PCDHGA12: variants seen among roughly 807,000 people sequenced by gnomAD.
PCDHGA12 encodes the protein protocadherin gamma subfamily A, 12.
In PCDHGA12, 43 loss-of-function variants were observed where a neutral mutation model predicts 61.1. The ratio of observed to expected loss-of-function variants is 0.70; its 90% CI spans 0.55 to 0.91. PCDHGA12 has a LOEUF of 0.91. Ranked by LOEUF, PCDHGA12 falls within the 40% of genes least tolerant of loss-of-function variation. The pLI, the probability that PCDHGA12 is intolerant of heterozygous loss-of-function variation, is 0.00. For synonymous variants in PCDHGA12, 520 were observed against 542.9 expected (o/e 0.96, Z 0.59); for missense variants, 1,236 against 1,227.7 (o/e 1.01, Z -0.10).
chr5:141,505,520 C>T, intron 3 of PCDHGA12, 39 bp downstream of exon 3: 1 of 1,612,650 alleles, frequency 6.2e-7, no homozygotes, highest in Non-Finnish European at 8.5e-7. Flanking sequence ...AGTGGGAGAC[C>T]TGGGGTTCTG....
intron 1 of PCDHGA12, among the ~76,000 whole-genome samples, chr5:141,434,746 C>T (rs1591345130): frequency 6.6e-6 from 1 of 151,796 alleles, no homozygotes; most frequent in South Asian, 2.1e-4. Context: ...GGCTATGAGA[C>T]CCCTGATTCC....
intron 1 of PCDHGA12, among the ~76,000 whole-genome samples, chr5:141,481,008 A>G (rs2099529606): frequency 6.6e-6 from 1 of 152,224 alleles, no homozygotes; most frequent in Non-Finnish European, 1.5e-5. Context: ...CAGTGAGCCC[A>G]GATCACACCA....
intron 3 of PCDHGA12, among the ~76,000 whole-genome samples, chr5:141,510,092 T>C (rs973542449): frequency 6.6e-6 from 1 of 152,138 alleles, no homozygotes; most frequent in South Asian, 2.1e-4. Flanking sequence ...TGGCACACAG[T>C]AGGTGCTCAA....
chr5:141,487,824 C>A lies in PCDHGA12; in HGVS notation c.2425-6983C>A. The stretch of plus-strand genomic sequence containing the variant: ...TCACAGTTTAGCATTGGGGGCGGGT[C>A]ATGCCTATATCTGAGTAAGAAATGA... On this transcript the variant is annotated intron_variant, in intron 1 of 3. Coordinates refer to ENST00000252085, the MANE Select transcript of PCDHGA12 (RefSeq NM_003735.3). This position sits in a 1 kb window ranked among gnomAD's most constrained non-coding sequence, Gnocchi z 5.0. 2 of 1,247,252 alleles carry A rather than the reference C, an allele frequency of 1.6e-6. No individual in the cohort carries two copies. The highest frequency in any genetic ancestry group is 2.9e-5 in the South Asian group (2 of 68,154). The allele number at this position is 1,247,252 out of a possible 1,614,324, so 77.3% of individuals were successfully genotyped here. A position where few individuals can be genotyped will look rare whatever the true frequency, so the allele number is the denominator to read the frequency against.
At position 141,485,841 on chromosome 5, in the gene PCDHGA12, C is replaced by G. The variant is rs969476505; in HGVS notation, c.2425-8966C>G. On this transcript the variant is annotated intron_variant, in intron 1 of 3. Transcript: ENST00000252085. This position sits in a 1 kb window ranked among gnomAD's most constrained non-coding sequence, Gnocchi z 5.7. Reference sequence around the variant, plus strand: ...GTCGATGGAGGGAACCCGCCGAGATCTGGCACCGCAGAGCTCCGGGTATCC... The same window carrying G: ...GTCGATGGAGGGAACCCGCCGAGATGTGGCACCGCAGAGCTCCGGGTATCC... 29 of 1,614,104 alleles carry G rather than the reference C, an allele frequency of 1.8e-5. No individual in the cohort carries two copies. The highest frequency in any genetic ancestry group is 2.2e-5 in the South Asian group (2 of 91,080).
At chr5:141,484,102 A>T (rs1404220648) in intron 1 of PCDHGA12, among the ~76,000 whole-genome samples, 1 of 152,206 alleles carries the variant, frequency 6.6e-6, no homozygotes, top group African/African-American at 2.4e-5. Flanking sequence ...GTTGGTAATT[A>T]ACAAAAGATC....
intron 1 of PCDHGA12, among the ~76,000 whole-genome samples, chr5:141,475,511 A>T (rs1240718716): frequency 6.6e-6 from 1 of 152,240 alleles, no homozygotes; most frequent in African/African-American, 2.4e-5. Context: ...TAATGTCTCC[A>T]CGGAAATGCT....
At position 141,476,503 on chromosome 5, in the gene PCDHGA12, C is replaced by T. The variant is rs1259213742; in HGVS notation, c.2425-18304C>T. 2 of 1,614,138 alleles carry T rather than the reference C, an allele frequency of 1.2e-6. No individual in the cohort carries two copies. ...TGGAAGTGGTGATCCAGGACATCAA[C>T]GACAACAATCCTGCTTTCCCTACCC... On this transcript the variant is annotated intron_variant, in intron 1 of 3. Transcript: ENST00000252085. The surrounding 1 kb of genome is among the most constrained non-coding windows in gnomAD (Gnocchi z 7.6).
chr5:141,511,028 T>C lies in PCDHGA12; in HGVS notation c.2654T>C (p.Leu885Pro). ...GCCCGCTACGGACCCCAGTTCACCC[T>C]GCAGCACGTGCCCGACTACCGCCAG... ...LSARYGPQFTLQHVPDYRQNV... is the reference protein window; with the variant it reads ...LSARYGPQFTPQHVPDYRQNV... The change falls in exon 4 of 4, where the codon CTG becomes CCG. Residue 885 changes from leucine (L) to proline (P), a missense_variant. Leu to Pro is a moderately conservative substitution (Grantham distance 98, BLOSUM62 -3). Transcript: ENST00000252085. 1 of 1,614,202 alleles carries C rather than the reference T, an allele frequency of 6.2e-7. No homozygotes were observed. Among genetic ancestry groups the C allele is most frequent in the Non-Finnish European group, 8.5e-7 (1 of 1,180,028 alleles).
chr5:141,435,519 T>C (rs2097768121), intron 1 of PCDHGA12, among the ~76,000 whole-genome samples: 2 of 152,192 alleles, frequency 1.3e-5, no homozygotes, highest in South Asian at 4.1e-4. Context: ...ATGATGACTT[T>C]GTGGAATATT....
At position 141,430,913 on chromosome 5, in the gene PCDHGA12, C is replaced by A. The variant is rs1485488693; in HGVS notation, c.154C>A (p.Leu52Met). Residue 52 changes from leucine (L) to methionine (M), a missense_variant, in exon 1 of 4, where the codon CTG becomes ATG. Coordinates refer to ENST00000252085, the MANE Select transcript of PCDHGA12 (RefSeq NM_003735.3). ...TAGGGTGGGCGACATCTCCAGGGACCTGGGGCTGGAGCCCCGGGAGCTCGC... is the reference window on the plus strand; with the variant it reads ...TAGGGTGGGCGACATCTCCAGGGACATGGGGCTGGAGCCCCGGGAGCTCGC... ...GSRVGDISRDLGLEPRELAER... is the reference protein window; with the variant it reads ...GSRVGDISRDMGLEPRELAER... The A allele has an allele frequency of 6.2e-7, 1 of 1,607,720 alleles. No homozygotes were observed. Among genetic ancestry groups the A allele is most frequent in the East Asian group, 2.2e-5 (1 of 44,870 alleles).
At position 141,491,291 on chromosome 5, in the gene PCDHGA12, C is replaced by G; in HGVS notation, c.2425-3516C>G. On this transcript the variant is annotated intron_variant, in intron 1 of 3. Coordinates refer to ENST00000252085, the MANE Select transcript of PCDHGA12 (RefSeq NM_003735.3). The surrounding 1 kb of genome is among the most constrained non-coding windows in gnomAD (Gnocchi z 6.9). ...AAATCCAGTGACTTCCTCATACACCCTCCTGAGCGTTCAGACCTTACCCTT... is the reference window on the plus strand; with the variant it reads ...AAATCCAGTGACTTCCTCATACACCGTCCTGAGCGTTCAGACCTTACCCTT... 2 of 1,614,152 alleles carry G rather than the reference C, an allele frequency of 1.2e-6. No homozygotes were observed. The highest frequency in any genetic ancestry group is 1.7e-6 in the Non-Finnish European group (2 of 1,179,974).
chr5:141,505,322 G>A, intron 2 of PCDHGA12, 71 bp from the exon 3 acceptor site: 1 of 1,606,332 alleles, frequency 6.2e-7, no homozygotes, highest in African/African-American at 1.3e-5. Context: ...TGGGAGCCCT[G>A]GGAGAGGACA....
At chr5:141,449,631 G>C in intron 1 of PCDHGA12, among the ~76,000 whole-genome samples, 1 of 148,476 alleles carries the variant, frequency 6.7e-6, no homozygotes, top group Middle Eastern at 3.6e-3. Flanking sequence ...TTAAAAAGAT[G>C]TATCTATATA....
intron 1 of PCDHGA12, among the ~76,000 whole-genome samples, chr5:141,435,395 C>T (rs946113643): frequency 5.3e-5 from 8 of 152,198 alleles, no homozygotes; most frequent in East Asian, 3.9e-4. Context: ...ATTGCCATGA[C>T]GAAAAATGGT....
At position 141,431,398 on chromosome 5, in the gene PCDHGA12, G is replaced by A. The variant is rs1052461071; in HGVS notation, c.639G>A (p.Thr213=). ...EEKAAHHLVL[T]ASDGGDPVRT... is the part of the protein sequence containing the mutation. ...AGGCTGCTCACCACCTGGTCCTTACGGCCTCCGACGGGGGCGACCCGGTGC... is the reference window on the plus strand; with the variant it reads ...AGGCTGCTCACCACCTGGTCCTTACAGCCTCCGACGGGGGCGACCCGGTGC... Residue 213 remains threonine, a synonymous_variant, in exon 1 of 4, where the codon ACG becomes ACA. Coordinates refer to ENST00000252085, the MANE Select transcript of PCDHGA12 (RefSeq NM_003735.3). This position sits in a 1 kb window ranked among gnomAD's most constrained non-coding sequence, Gnocchi z 4.8. The A allele has an allele frequency of 6.8e-6, 11 of 1,613,768 alleles. No homozygotes were observed. Among genetic ancestry groups the A allele is most frequent in the Non-Finnish European group, 9.3e-6 (11 of 1,180,036 alleles).
At position 141,476,151 on chromosome 5, in the gene PCDHGA12, G is replaced by A; in HGVS notation, c.2425-18656G>A. Reference sequence around the variant, plus strand: ...GAGGCCTGGAGGAGCGGACTGGTAAGCACCGGGAGGGTAGTGGGAGTTTTG... The same window carrying A: ...GAGGCCTGGAGGAGCGGACTGGTAAACACCGGGAGGGTAGTGGGAGTTTTG... On this transcript the variant is annotated intron_variant, in intron 1 of 3. Transcript: ENST00000252085. This position sits in a 1 kb window ranked among gnomAD's most constrained non-coding sequence, Gnocchi z 7.6. 1 of 1,612,022 alleles carries A rather than the reference G, an allele frequency of 6.2e-7. No individual in the cohort carries two copies. Among genetic ancestry groups the A allele is most frequent in the Admixed American group, 1.7e-5 (1 of 60,014 alleles).
intron 1 of PCDHGA12, chr5:141,478,291 C>T: frequency 1.9e-6 from 3 of 1,614,144 alleles, no homozygotes; most frequent in East Asian, 2.2e-5. Context: ...AGTCTAGAGA[C>T]CTATACCGAG....
chr5:141,430,838 G>A lies in PCDHGA12; in HGVS notation c.79G>A (p.Gly27Arg), dbSNP rs866767896. 2.6e-6 allele frequency: 4 copies of A among 1,562,908 alleles called. No individual in the cohort carries two copies. The highest frequency in any genetic ancestry group is 3.5e-6 in the Non-Finnish European group (4 of 1,158,276). ...CCTCCTGGGGACTCTGTGGGAGACC[G>A]GATGCACCCAGATACGCTATTCAGT... ...GILLGTLWETGCTQIRYSVPE... is the reference protein window; with the variant it reads ...GILLGTLWETRCTQIRYSVPE... Residue 27 changes from glycine (G) to arginine (R), a missense_variant, in exon 1 of 4, where the codon GGA (glycine) becomes AGA (arginine). Coordinates refer to ENST00000252085, the MANE Select transcript of PCDHGA12 (RefSeq NM_003735.3).
Sources: gnomAD v4.1 joint callset for allele counts (sites outside exome capture counted in the v4.1 genomes callset) on GRCh38, gnomAD v4.1.1 for gene constraint, Gnocchi (gnomAD v3.1) non-coding constraint, MANE v1.5 for transcripts, NCBI Gene and HGNC (gene_info 2026-07-23, HGNC 2026-07-21) for gene names.